Variants in TBC1D12 observed in about 807,000 individuals in gnomAD.
TBC1D12 encodes the protein TBC1 domain family, member 12.
Under a neutral mutation model 86.7 loss-of-function variants are expected in TBC1D12, and 56 were observed. The ratio of observed to expected loss-of-function variants is 0.65; its 90% CI spans 0.52 to 0.81. The LOEUF is 0.81. TBC1D12 is among the 30% of genes least tolerant of loss of function. TBC1D12 has a pLI of 0.00. For missense variants in TBC1D12, 1,023 were observed against 1,038.8 expected (o/e 0.98, Z 0.21); for synonymous variants, 421 against 411.7 (o/e 1.02, Z -0.27).
At chr10:94,520,490 GCA>G (rs1209888823) in intron 9 of TBC1D12, among the ~76,000 whole-genome samples, 1 of 152,002 alleles carries the variant, frequency 6.6e-6, no homozygotes, top group African/African-American at 2.4e-5. Flanking sequence ...GGCGGAGGTT[GCA>G]GTGAGCTGAG....
intron 3 of TBC1D12, among the ~76,000 whole-genome samples, chr10:94,484,697 A>G (rs1210394417): frequency 6.6e-6 from 1 of 151,486 alleles, no homozygotes; most frequent in Non-Finnish European, 1.5e-5. Flanking sequence ...TATTATGGAC[A>G]TTTTAACAAT....
chr10:94,524,953 G>A (rs968278575), intron 11 of TBC1D12, among the ~76,000 whole-genome samples: 2 of 152,032 alleles, frequency 1.3e-5, no homozygotes, highest in African/African-American at 4.8e-5. Flanking sequence ...AGCCTCCTGA[G>A]TAGTTGGGAT....
At chr10:94,519,173 A>C (rs1472197830) in intron 9 of TBC1D12, among the ~76,000 whole-genome samples, 1 of 152,226 alleles carries the variant, frequency 6.6e-6, no homozygotes, top group Non-Finnish European at 1.5e-5. Flanking sequence ...TATGTAAAAT[A>C]ATGTTACTTA....
intron 9 of TBC1D12, 100 bp from the exon 10 acceptor site, chr10:94,521,855 A>G (rs1302959368): frequency 1.8e-6 from 2 of 1,091,752 alleles, no homozygotes; most frequent in African/African-American, 1.6e-5. Flanking sequence ...GGTTAATTCT[A>G]CTTTGTAATG....
intron 3 of TBC1D12, among the ~76,000 whole-genome samples, chr10:94,475,411 G>GT (rs2055974827): frequency 6.6e-6 from 1 of 152,024 alleles, no homozygotes; most frequent in Non-Finnish European, 1.5e-5. Flanking sequence ...ATTTATGTTT[G>GT]TTTGTTTTGT....
At chr10:94,501,017 G>A (rs949971558) in intron 6 of TBC1D12, among the ~76,000 whole-genome samples, 2 of 151,636 alleles carry the variant, frequency 1.3e-5, no homozygotes, top group Admixed American at 6.6e-5. Flanking sequence ...GATCGCGCCT[G>A]TGCACTCCAG....
In TBC1D12 at chr10:94,533,227, A is replaced by C. The variant is rs1842473424; in HGVS notation, c.*131A>C. ...AGAATCAAGAGGTGGAAAACTGCTG[A>C]TTTTACATTTTATGGCTGAAGTAAA... On this transcript the variant is annotated 3_prime_UTR_variant, in exon 13 of 13. Coordinates refer to ENST00000225235, the MANE Select transcript of TBC1D12 (RefSeq NM_015188.2). 4 of 533,692 alleles carry C rather than the reference A, an allele frequency of 7.5e-6. No homozygotes were observed. In the African/African-American group the frequency reaches 7.9e-5, roughly 10 times the overall value. 33.1% of individuals were successfully genotyped at this position (533,692 alleles called of 1,614,324 possible).
intron 6 of TBC1D12, among the ~76,000 whole-genome samples, chr10:94,506,560 T>C (rs370335554): frequency 7.0e-4 from 106 of 152,248 alleles, no homozygotes; most frequent in African/African-American, 2.3e-3. Flanking sequence ...ACCAAAAAAA[T>C]TTGGGAATTG....
Position 94,534,572 on chromosome 10 carries a change from A to C in TBC1D12, c.*1476A>C, listed in dbSNP as rs1405203767. On this transcript the variant is annotated 3_prime_UTR_variant, in exon 13 of 13. Transcript: ENST00000225235. ...CAAGAAATGCATGATTTCCCTGCCA[A>C]CTCTAGGAAGTAGTGCTGCATGATT... 6.6e-6 allele frequency: 1 copy of C among 152,142 alleles called. No homozygotes were observed. Among genetic ancestry groups the C allele is most frequent in the African/African-American group, 2.4e-5 (1 of 41,432 alleles). The allele number at this position is 152,142 out of a possible 1,614,324, so 9.4% of individuals were successfully genotyped here. A position where few individuals can be genotyped will look rare whatever the true frequency, so the allele number is the denominator to read the frequency against.
rs1436595349 is a variant in TBC1D12, at chr10:94,465,771, TACGC to T, written c.1096-8895_1096-8892del. On this transcript the variant is annotated intron_variant, in intron 2 of 12. Coordinates refer to ENST00000225235, the MANE Select transcript of TBC1D12 (RefSeq NM_015188.2). ...ATACATATGTATACATACATACGTA[TACGC>T]ATACATACATACATATACGCATACA... 1.5e-4 allele frequency among the ~76,000 whole-genome samples: 22 copies of T among 150,064 alleles called. No individual in the cohort carries two copies. In the East Asian group the frequency reaches 1.6e-3, roughly 11 times the overall value.
intron 9 of TBC1D12, among the ~76,000 whole-genome samples, chr10:94,516,885 T>C (rs1842006830): frequency 1.3e-5 from 2 of 151,974 alleles, no homozygotes; most frequent in South Asian, 4.2e-4. Flanking sequence ...TATCTATTAC[T>C]GACATTTTAG....
intron 12 of TBC1D12, among the ~76,000 whole-genome samples, 173 bp from the exon 13 acceptor site, chr10:94,532,855 C>G (rs889279351): frequency 3.3e-5 from 5 of 152,178 alleles, no homozygotes; most frequent in African/African-American, 1.2e-4. Flanking sequence ...AAATTGGAAT[C>G]TAATCATATT....
chr10:94,520,104 G>T (rs919861833), intron 9 of TBC1D12, among the ~76,000 whole-genome samples: 1 of 152,180 alleles, frequency 6.6e-6, no homozygotes, highest in African/African-American at 2.4e-5. Flanking sequence ...TGAGAACAAA[G>T]AAATAATTGG....
intron 2 of TBC1D12, among the ~76,000 whole-genome samples, chr10:94,452,279 T>TA (rs1271231214): frequency 1.3e-5 from 2 of 152,038 alleles, no homozygotes; most frequent in African/African-American, 4.8e-5. Flanking sequence ...CCAATGAACT[T>TA]ACATTGACAC....
At chr10:94,450,520 G>A (rs369636056) in intron 2 of TBC1D12, among the ~76,000 whole-genome samples, 77 of 152,150 alleles carry the variant, frequency 5.1e-4, no homozygotes, top group African/African-American at 1.7e-3. Flanking sequence ...CATTAGCCAC[G>A]AGGCTAGAGA....
At chr10:94,419,662 C>A (rs1564937987) in intron 1 of TBC1D12, among the ~76,000 whole-genome samples, 1 of 152,068 alleles carries the variant, frequency 6.6e-6, no homozygotes, top group East Asian at 1.9e-4. Context: ...GAGCAAGACT[C>A]TGTCTCAGGG....
chr10:94,531,178 G>T (rs1842409505), intron 11 of TBC1D12, 24 bp from the exon 12 acceptor site: 3 of 1,591,214 alleles, frequency 1.9e-6, no homozygotes, highest in African/African-American at 2.7e-5. Context: ...AAATTTCAGT[G>T]ACCATTTTTC....
chr10:94,473,720 A>T (rs890821579), intron 2 of TBC1D12, among the ~76,000 whole-genome samples: 1 of 152,206 alleles, frequency 6.6e-6, no homozygotes, highest in African/African-American at 2.4e-5. Context: ...AAAGGAAAAA[A>T]TGTGGGTACT....
At chr10:94,414,264 G>A (rs1049855251) in intron 1 of TBC1D12, among the ~76,000 whole-genome samples, 4 of 152,092 alleles carry the variant, frequency 2.6e-5, no homozygotes, top group Non-Finnish European at 5.9e-5. Flanking sequence ...TTGTTAAGGT[G>A]GTAAGAAGAT....
Sources: allele counts gnomAD v4.1 joint callset (sites outside exome capture counted in the v4.1 genomes callset), GRCh38; gene constraint gnomAD v4.1.1; transcripts MANE v1.5; gene names NCBI Gene and HGNC (gene_info 2026-07-23, HGNC 2026-07-21).